CDC42BPG: variants seen among roughly 807,000 people sequenced by gnomAD.
CDC42BPG encodes the protein CDC42 binding protein kinase gamma.
CDC42BPG carries 157 observed loss-of-function variants against 192.2 expected under a neutral mutation model. The observed-to-expected ratio is 0.82, with a 90% CI of 0.72 to 0.93. CDC42BPG has a LOEUF of 0.93. Ranked by LOEUF, CDC42BPG falls within the 40% of genes least tolerant of loss-of-function variation. The probability of loss-of-function intolerance (pLI) is 0.00; values close to 1 mark genes in which losing one functional copy is unlikely to be tolerated. For missense variants in CDC42BPG, 1,992 were observed against 2,122.1 expected (o/e 0.94, Z 1.20); for synonymous variants, 981 against 918.5 (o/e 1.07, Z -1.23).
chr11:64,835,670 C>A, intron 14 of CDC42BPG, 49 bp from the exon 15 acceptor site: 1 of 1,586,462 alleles, frequency 6.3e-7, no homozygotes. Flanking sequence ...TGCCATGGCC[C>A]ACCCACCTGG....
At chr11:64,835,694 C>T (rs964556512) in intron 14 of CDC42BPG, 68 bp downstream of exon 14, 1 of 1,603,322 alleles carries the variant, frequency 6.2e-7, no homozygotes, top group Non-Finnish European at 8.5e-7. Flanking sequence ...ACAGGCCTGG[C>T]CCTGAGGCTC....
intron 34 of CDC42BPG, 23 bp from the exon 35 acceptor site, chr11:64,826,817 G>T: frequency 6.8e-7 from 1 of 1,479,134 alleles, no homozygotes. Context: ...AGTGCGGAGG[G>T]GCTGGGACTA....
At chr11:64,837,086 T>C (rs1943055930) in intron 9 of CDC42BPG, 67 bp from the exon 10 acceptor site, 1 of 1,288,552 alleles carries the variant, frequency 7.8e-7, no homozygotes, top group Non-Finnish European at 1.1e-6. Context: ...TCCATCCTCC[T>C]GGACCGAATC....
At position 64,827,141 on chromosome 11, in the gene CDC42BPG, C is replaced by G; in HGVS notation, c.4298G>C (p.Arg1433Pro). Residue 1433 changes from arginine (R) to proline (P), a missense_variant, in exon 34 of 37, where the codon CGC (arginine) becomes CCC (proline). By Grantham distance (103) the Arg-to-Pro change is moderately radical (BLOSUM62 -2). Transcript: ENST00000342711. ...GGTAGGCGGCGAGATGAGCTTGGAGCGCACAAAAGGGTCCTTCAGCATCTC... is the reference window on the plus strand; with the variant it reads ...GGTAGGCGGCGAGATGAGCTTGGAGGGCACAAAAGGGTCCTTCAGCATCTC... ...RREMLKDPFVRSKLISPPTNF... is the reference protein window; with the variant it reads ...RREMLKDPFVPSKLISPPTNF... The G allele has an allele frequency of 6.2e-7, 1 of 1,614,046 alleles. No homozygotes were observed. The highest frequency in any genetic ancestry group is 8.5e-7 in the Non-Finnish European group (1 of 1,179,934).
chr11:64,836,859 C>T, intron 10 of CDC42BPG, 40 bp from the exon 11 acceptor site: 1 of 1,610,328 alleles, frequency 6.2e-7, no homozygotes, highest in East Asian at 2.2e-5. Flanking sequence ...TCCACTCCTC[C>T]ATTCCCGCAG....
rs764957354 is a variant in CDC42BPG, at chr11:64,834,469, G to C, written c.2284C>G (p.Arg762Gly). The change falls in exon 19 of 37, where the codon CGG becomes GGG. Residue 762 changes from arginine to glycine, a missense_variant. By Grantham distance (125) the Arg-to-Gly change is moderately radical. Transcript: ENST00000342711. Reference protein sequence around the residue: ...EIRAKQGLQERLTQVQEAQLQ... With the variant: ...EIRAKQGLQEGLTQVQEAQLQ... ...TGGGCCTCCTGCACCTGTGTCAGCCGCTCCTGCAGGCCCTGCTTGGCGCGG... is the reference window on the plus strand; with the variant it reads ...TGGGCCTCCTGCACCTGTGTCAGCCCCTCCTGCAGGCCCTGCTTGGCGCGG... 7.0e-6 allele frequency: 11 copies of C among 1,567,702 alleles called. No homozygotes were observed. Among genetic ancestry groups the C allele is most frequent in the Non-Finnish European group, 8.6e-6 (10 of 1,157,132 alleles).
At chr11:64,832,582 C>T in intron 26 of CDC42BPG, 22 bp downstream of exon 26, 1 of 1,614,046 alleles carries the variant, frequency 6.2e-7, no homozygotes, top group Non-Finnish European at 8.5e-7. Flanking sequence ...TCCCTTGCCC[C>T]ATGCCACTGC....
In CDC42BPG at chr11:64,827,376, C is replaced by G. The variant is rs757214342; in HGVS notation, c.4173G>C (p.Pro1391=). The change falls in exon 33 of 37, where the codon CCG becomes CCC. Residue 1391 remains proline, a synonymous_variant. Coordinates refer to ENST00000342711, the MANE Select transcript of CDC42BPG (RefSeq NM_017525.3). ...GGCGCCGGCTGTTGTCGGTGAGGTC[C>G]GGGATGTCGAACTCGTCCTTCTCTG... The part of the protein sequence containing the change: ...QLAEKDEFDI[P]DLTDNSRRQL... 3 of 1,613,830 alleles carry G rather than the reference C, an allele frequency of 1.9e-6. No homozygotes were observed. The highest frequency in any genetic ancestry group is 2.2e-5 in the South Asian group (2 of 91,080).
rs1193030373 is a variant in CDC42BPG at position 64,834,948 on chromosome 11, C to T, written c.2076G>A (p.Lys692=). 8.7e-6 allele frequency: 14 copies of T among 1,613,934 alleles called. No homozygotes were observed. The highest frequency in any genetic ancestry group is 3.3e-5 in the Admixed American group (2 of 60,004). ...GGGCCTGCAGGTAGCCTCTTGAGAC[C>T]TTCTCATCATTCACCCTGAATGGGA... ...ADILSWVNDE[K]VSRGYLQALA... The change falls in exon 18 of 37, where the codon AAG becomes AAA. Residue 692 remains lysine, a synonymous_variant. Transcript: ENST00000342711.
Position 64,838,857 on chromosome 11 carries a change from C to T in CDC42BPG, c.922G>A (p.Ala308Thr), listed in dbSNP as rs777210451. 9.3e-6 allele frequency: 15 copies of T among 1,610,516 alleles called. 1 individual carries two copies. In the Middle Eastern group the frequency reaches 4.9e-4, roughly 53 times the overall value. ...AGCAGCTGGCGGATCAGGTCTTGGG[C>T]GCTGGCTGGCACGTCAGGCACGTCC... is the stretch of plus-strand genomic sequence containing the variant. ...PPDVPDVPASAQDLIRQLLCR... is the reference protein window; with the variant it reads ...PPDVPDVPASTQDLIRQLLCR... Residue 308 changes from alanine to threonine, a missense_variant, in exon 8 of 37, where the codon GCC (alanine) becomes ACC (threonine). Coordinates refer to ENST00000342711, the MANE Select transcript of CDC42BPG (RefSeq NM_017525.3).
intron 27 of CDC42BPG, 39 bp downstream of exon 27, chr11:64,832,388 AG>A (rs1264481002): frequency 1.9e-6 from 3 of 1,584,806 alleles, no homozygotes; most frequent in Non-Finnish European, 2.6e-6. Context: ...CAGCATGGGG[AG>A]GTGGATGGTG....
chr11:64,834,308 G>A lies in CDC42BPG; in HGVS notation c.2371C>T (p.Leu791Phe), dbSNP rs1193603978. 6.3e-7 allele frequency: 1 copy of A among 1,580,254 alleles called. No homozygotes were observed. Among genetic ancestry groups the A allele is most frequent in the Non-Finnish European group, 8.6e-7 (1 of 1,167,652 alleles). Residue 791 changes from leucine (L) to phenylalanine (F), a missense_variant, in exon 20 of 37, where the codon CTC becomes TTC. Coordinates refer to ENST00000342711, the MANE Select transcript of CDC42BPG (RefSeq NM_017525.3). ...EKQSQALQQE[L>F]AMLREELRAR... ...CGCAGCTCCTCCCGCAGCATGGCGAGCTCCTGTTGCAGGGCCTGGCTCTGC... is the reference window on the plus strand; with the variant it reads ...CGCAGCTCCTCCCGCAGCATGGCGAACTCCTGTTGCAGGGCCTGGCTCTGC...
chr11:64,836,631 G>GCATTT, intron 11 of CDC42BPG, 101 bp from the exon 12 acceptor site: 1 of 1,204,814 alleles, frequency 8.3e-7, no homozygotes, highest in Non-Finnish European at 1.2e-6. Context: ...GGCTCAGAGA[G>GCATTT]TATAAAATGC....
At chr11:64,837,778 C>T (rs1181594092) in intron 9 of CDC42BPG, among the ~76,000 whole-genome samples, 1 of 152,310 alleles carries the variant, frequency 6.6e-6, no homozygotes. Context: ...ACCCATTTTA[C>T]AGAGCCACAA....
chr11:64,837,618 C>T (rs540745987), intron 9 of CDC42BPG, among the ~76,000 whole-genome samples: 3 of 152,338 alleles, frequency 2.0e-5, no homozygotes, highest in Non-Finnish European at 2.9e-5. Flanking sequence ...CCCGCCACCA[C>T]GCCCGGCTAA....
Position 64,829,960 on chromosome 11 carries a change from G to A in CDC42BPG, c.3478C>T (p.Leu1160=). The A allele has an allele frequency of 6.2e-7, 1 of 1,612,600 alleles. No homozygotes were observed. Among genetic ancestry groups the A allele is most frequent in the South Asian group, 1.1e-5 (1 of 91,056 alleles). The stretch of plus-strand genomic sequence containing the variant: ...ACCTCTATGTTCTCCAGCTCCGCCA[G>A]GGCAAAGAGACGCACGCTGGGGCCG... The part of the protein sequence containing the change: ...GRGPSVRLFA[L]AELENIEVAG... The change falls in exon 30 of 37, where the codon CTG becomes TTG. Residue 1160 remains leucine (L), a synonymous_variant. Transcript: ENST00000342711.
chr11:64,843,107 C>T (rs976108504), intron 1 of CDC42BPG, among the ~76,000 whole-genome samples: 1 of 152,096 alleles, frequency 6.6e-6, no homozygotes, highest in African/African-American at 2.4e-5. Context: ...GCAGGAGGAT[C>T]CAGGCCCCTG....
intron 24 of CDC42BPG, 41 bp downstream of exon 24, chr11:64,833,190 C>T (rs1384599320): frequency 6.8e-7 from 1 of 1,463,196 alleles, no homozygotes; most frequent in Admixed American, 2.0e-5. Context: ...GGGCCACACA[C>T]CTGGGACCGT....
At chr11:64,825,624 G>A (rs914224896) in intron 36 of CDC42BPG, among the ~76,000 whole-genome samples, 1 of 152,210 alleles carries the variant, frequency 6.6e-6, no homozygotes, top group African/African-American at 2.4e-5. Flanking sequence ...TGTGACGGGA[G>A]TGGGTGGATG....
Sources: gnomAD v4.1 joint callset for allele counts (sites outside exome capture counted in the v4.1 genomes callset) on GRCh38, gnomAD v4.1.1 for gene constraint, MANE v1.5 for transcripts, NCBI Gene and HGNC (gene_info 2026-07-23, HGNC 2026-07-21) for gene names.